Variants in DNM3 observed in about 807,000 individuals in gnomAD.
The protein encoded by DNM3 is dynamin 3.
In DNM3, 47 loss-of-function variants were observed where a neutral mutation model predicts 101.6. The ratio of observed to expected loss-of-function variants is 0.46; its 90% CI spans 0.37 to 0.59. The LOEUF is 0.59. DNM3 is among the 20% of genes least tolerant of loss of function. The probability of loss-of-function intolerance (pLI) is 0.00; values close to 1 mark genes in which losing one functional copy is unlikely to be tolerated. For synonymous variants in DNM3, 385 were observed against 387.9 expected (o/e 0.99, Z 0.09); for missense variants, 849 against 1,085.7 (o/e 0.78, Z 3.06).
intron 14 of DNM3, among the ~76,000 whole-genome samples, chr1:172,170,168 G>A (rs2058899560): frequency 6.6e-6 from 1 of 151,848 alleles, no homozygotes; most frequent in South Asian, 2.1e-4. Flanking sequence ...TTCTATTTAT[G>A]TTTTAAATTC....
intron 13 of DNM3, among the ~76,000 whole-genome samples, chr1:172,113,502 C>T (rs1182890076): frequency 2.0e-5 from 3 of 151,770 alleles, no homozygotes; most frequent in Admixed American, 6.6e-5. Flanking sequence ...TGCCTGTAAT[C>T]CCAGCTACTT....
intron 1 of DNM3, among the ~76,000 whole-genome samples, chr1:171,920,770 T>C (rs980036066): frequency 8.5e-5 from 13 of 152,244 alleles, no homozygotes; most frequent in African/African-American, 3.1e-4. Context: ...TTAGTGTTTA[T>C]TAATATGTCA....
At chr1:171,924,521 T>C (rs895164249) in intron 2 of DNM3, among the ~76,000 whole-genome samples, 5 of 152,132 alleles carry the variant, frequency 3.3e-5, no homozygotes, top group Non-Finnish European at 5.9e-5. Flanking sequence ...GCAAGGCACC[T>C]TCTTCACAAG....
chr1:172,019,919 G>GT (rs146361999), intron 4 of DNM3, among the ~76,000 whole-genome samples: 3,087 of 146,446 alleles, frequency 0.021, 97 homozygotes, highest in African/African-American at 0.069. Context: ...ATCACAGTTT[G>GT]TTTTTTTTTT....
At chr1:172,287,530 T>A (rs185543553) in intron 15 of DNM3, among the ~76,000 whole-genome samples, 2 of 152,224 alleles carry the variant, frequency 1.3e-5, no homozygotes, top group African/African-American at 4.8e-5. Context: ...TTAAAAATAT[T>A]TTCTACAAAT....
intron 15 of DNM3, among the ~76,000 whole-genome samples, chr1:172,302,552 G>A (rs569138215): frequency 1.3e-4 from 20 of 152,322 alleles, no homozygotes; most frequent in East Asian, 5.8e-4. Flanking sequence ...CTCTGAGAAC[G>A]GACAGACTGC....
intron 13 of DNM3, among the ~76,000 whole-genome samples, chr1:172,101,540 G>A (rs1045692937): frequency 5.9e-5 from 9 of 152,176 alleles, no homozygotes; most frequent in African/African-American, 1.9e-4. Context: ...GATAATACTA[G>A]TTAGGTACTT....
chr1:172,361,137 T>C (rs539047582), intron 17 of DNM3, among the ~76,000 whole-genome samples: 22 of 152,130 alleles, frequency 1.4e-4, no homozygotes, highest in African/African-American at 5.1e-4. Flanking sequence ...GAGCATCCTG[T>C]GTCCCTTCTG....
intron 2 of DNM3, among the ~76,000 whole-genome samples, chr1:171,952,280 G>T (rs1234882807): frequency 6.6e-6 from 1 of 152,194 alleles, no homozygotes; most frequent in African/African-American, 2.4e-5. Flanking sequence ...AGATGGCTTT[G>T]CAGGACCATG....
intron 1 of DNM3, among the ~76,000 whole-genome samples, chr1:171,880,520 G>T (rs1274010812): frequency 6.6e-6 from 1 of 152,136 alleles, no homozygotes; most frequent in African/African-American, 2.4e-5. Context: ...CATAAGCAAC[G>T]TTAGTTGAAT....
At position 172,097,446 on chromosome 1, in the gene DNM3, A is replaced by G. The variant is rs1432115352; in HGVS notation, c.1545+4571A>G. Reference sequence around the variant, plus strand: ...GAAGGTGCTGATTTCAATTTTGAATATGTTTGTGCTTATTGGAGATATCAT... The same window carrying G: ...GAAGGTGCTGATTTCAATTTTGAATGTGTTTGTGCTTATTGGAGATATCAT... On this transcript the variant is annotated intron_variant, in intron 13 of 20. Coordinates refer to ENST00000627582, the MANE Select transcript of DNM3 (RefSeq NM_015569.5). 2.0e-5 allele frequency among the ~76,000 whole-genome samples: 3 copies of G among 152,162 alleles called. No individual in the cohort carries two copies. The East Asian group carries it at 5.8e-4, about 29-fold the overall frequency.
intron 14 of DNM3, among the ~76,000 whole-genome samples, chr1:172,196,754 G>A (rs1572913263): frequency 6.6e-6 from 1 of 151,848 alleles, no homozygotes; most frequent in African/African-American, 2.4e-5. Context: ...AATGGGGGTT[G>A]TTTGTTTTTC....
At chr1:172,229,626 G>C (rs1274820380) in intron 14 of DNM3, among the ~76,000 whole-genome samples, 1 of 152,056 alleles carries the variant, frequency 6.6e-6, no homozygotes, top group Non-Finnish European at 1.5e-5. Flanking sequence ...AAAAACCCAA[G>C]TGATTAATAT....
chr1:172,133,530 G>A (rs1176263376), intron 14 of DNM3: 2 of 749,538 alleles, frequency 2.7e-6, no homozygotes, highest in South Asian at 6.0e-5. Flanking sequence ...CTAGGAAAGG[G>A]TAGTTTCATC....
At chr1:172,235,641 T>C (rs1453556124) in intron 14 of DNM3, among the ~76,000 whole-genome samples, 1 of 152,150 alleles carries the variant, frequency 6.6e-6, no homozygotes, top group African/African-American at 2.4e-5. Context: ...GTGGCACATA[T>C]ACACCATGGA....
intron 10 of DNM3, among the ~76,000 whole-genome samples, chr1:172,049,929 G>A (rs1046597963): frequency 6.6e-6 from 1 of 152,096 alleles, no homozygotes; most frequent in Non-Finnish European, 1.5e-5. Flanking sequence ...TAAAAGAAAA[G>A]CAGTAAATGG....
intron 10 of DNM3, among the ~76,000 whole-genome samples, chr1:172,063,032 T>A (rs937799926): frequency 1.3e-5 from 2 of 152,210 alleles, no homozygotes; most frequent in Non-Finnish European, 2.9e-5. Flanking sequence ...TAAAATTCAT[T>A]ATTTCTATTT....
chr1:172,270,428 T>C (rs923433027), intron 15 of DNM3, among the ~76,000 whole-genome samples: 5 of 152,198 alleles, frequency 3.3e-5, no homozygotes, highest in Non-Finnish European at 7.3e-5. Flanking sequence ...GCATGTCTAA[T>C]ATATTTTCAG....
At chr1:172,396,521 G>C (rs2070015935) in intron 20 of DNM3, among the ~76,000 whole-genome samples, 2 of 152,178 alleles carry the variant, frequency 1.3e-5, no homozygotes, top group Non-Finnish European at 2.9e-5. Context: ...AACTAAGAGA[G>C]AGAATAAGCT....
Sources: gnomAD v4.1 joint callset for allele counts (sites outside exome capture counted in the v4.1 genomes callset) on GRCh38, gnomAD v4.1.1 for gene constraint, MANE v1.5 for transcripts, NCBI Gene and HGNC (gene_info 2026-07-23, HGNC 2026-07-21) for gene names.